EPHA6: variants seen among roughly 807,000 people sequenced by gnomAD.
EPHA6 encodes ephrin type-A receptor 6.
Under a neutral mutation model 112.0 loss-of-function variants are expected in EPHA6, and 50 were observed. That is an observed-to-expected ratio of 0.45 (90% CI 0.36 to 0.56). EPHA6 has a LOEUF of 0.56. Ranked by LOEUF, EPHA6 falls within the 20% of genes least tolerant of loss-of-function variation. The pLI, the probability that EPHA6 is intolerant of heterozygous loss-of-function variation, is 0.00. For synonymous variants in EPHA6, 529 were observed against 490.7 expected, an observed-to-expected ratio of 1.08 and a Z score of -1.03; for missense variants, 1,280 against 1,417.4, an observed-to-expected ratio of 0.90 and a Z score of 1.56.
chr3:96,856,732 T>G (rs1383829427), intron 1 of EPHA6, among the ~76,000 whole-genome samples: 1 of 152,126 alleles, frequency 6.6e-6, no homozygotes, highest in East Asian at 1.9e-4. Context: ...TAGAGGATTT[T>G]TAAAAAGTAA....
intron 11 of EPHA6, among the ~76,000 whole-genome samples, chr3:97,555,601 T>G (rs539478086): frequency 0.014 from 2,120 of 152,316 alleles, 54 homozygotes; most frequent in African/African-American, 0.049. Context: ...GTTTCCTGAC[T>G]TTTTAATGAT....
rs141592895 is a variant in EPHA6 at position 97,436,124 on chromosome 3, C to T, written c.1732-12444C>T. Among the ~76,000 whole-genome samples, 295 of 152,218 alleles carry T rather than the reference C, an allele frequency of 1.9e-3. 2 individuals carry two copies. Among genetic ancestry groups the T allele is most frequent in the African/African-American group, 6.8e-3 (281 of 41,542 alleles). On this transcript the variant is annotated intron_variant, in intron 6 of 17. Transcript: ENST00000389672. ...ATTTTATTATAAATCTTGAGGCACA[C>T]ATTTGATATCTTCTGAGGAAATTCA... is the stretch of plus-strand genomic sequence containing the variant.
At chr3:96,985,480 G>A (rs914589077) in intron 2 of EPHA6, among the ~76,000 whole-genome samples, 2 of 152,036 alleles carry the variant, frequency 1.3e-5, no homozygotes, top group African/African-American at 4.8e-5. Flanking sequence ...AATGAGCTGT[G>A]ATAGTGCTGG....
chr3:97,108,326 A>AAAATAGCTT (rs1435437464), intron 3 of EPHA6, among the ~76,000 whole-genome samples: 4 of 152,218 alleles, frequency 2.6e-5, no homozygotes, highest in African/African-American at 7.2e-5. Context: ...AATGGATGCC[A>AAAATAGCTT]AAATAGCTTA....
intron 11 of EPHA6, among the ~76,000 whole-genome samples, chr3:97,574,695 A>G (rs1439122736): frequency 2.6e-5 from 4 of 152,192 alleles, no homozygotes; most frequent in African/African-American, 7.2e-5. Flanking sequence ...TAAAGACCCT[A>G]CTATGTAAAA....
intron 11 of EPHA6, among the ~76,000 whole-genome samples, chr3:97,586,319 C>T (rs536207390): frequency 7.0e-4 from 106 of 152,176 alleles, no homozygotes; most frequent in Middle Eastern, 3.4e-3. Flanking sequence ...TAAGGATACG[C>T]GAAATAAAGA....
At chr3:97,388,400 A>G (rs569941915) in intron 5 of EPHA6, among the ~76,000 whole-genome samples, 3 of 152,262 alleles carry the variant, frequency 2.0e-5, no homozygotes, top group African/African-American at 4.8e-5. Flanking sequence ...TTTTACTTCT[A>G]TATGTACAAA....
At chr3:97,398,866 G>A (rs1172535011) in intron 5 of EPHA6, among the ~76,000 whole-genome samples, 1 of 151,452 alleles carries the variant, frequency 6.6e-6, no homozygotes, top group African/African-American at 2.4e-5. Context: ...ATAGGGTACA[G>A]TGTGATATTT....
chr3:97,740,390 C>G (rs2035449977), intron 16 of EPHA6, among the ~76,000 whole-genome samples: 1 of 152,134 alleles, frequency 6.6e-6, no homozygotes, highest in Admixed American at 6.5e-5. Context: ...ACTATCAGCT[C>G]AAATGTGGCA....
At position 97,678,421 on chromosome 3, in the gene EPHA6, G is replaced by A. The variant is rs143175955; in HGVS notation, c.2784+40339G>A. 1.5e-3 allele frequency among the ~76,000 whole-genome samples: 236 copies of A among 152,270 alleles called. 1 individual carries two copies. Among genetic ancestry groups the A allele is most frequent in the Non-Finnish European group, 2.3e-3 (159 of 68,026 alleles). ...TTTTGAAGACTACAAAGTAGAAGTT[G>A]AGGATGGACCCAGAAGACGAGCGCT... is the stretch of plus-strand genomic sequence containing the variant. On this transcript the variant is annotated intron_variant, in intron 14 of 17. Coordinates refer to ENST00000389672, the MANE Select transcript of EPHA6 (RefSeq NM_001080448.3).
intron 10 of EPHA6, among the ~76,000 whole-genome samples, chr3:97,493,842 G>T (rs779221836): frequency 1.4e-4 from 21 of 152,180 alleles, no homozygotes; most frequent in Non-Finnish European, 2.5e-4. Flanking sequence ...AAACTATCTC[G>T]TGGTTACCAC....
chr3:97,186,842 T>C (rs548806442), intron 3 of EPHA6, among the ~76,000 whole-genome samples: 1 of 152,120 alleles, frequency 6.6e-6, no homozygotes, highest in East Asian at 1.9e-4. Context: ...TAACATTATG[T>C]TTCCCACTCT....
intron 7 of EPHA6, among the ~76,000 whole-genome samples, chr3:97,462,789 A>G (rs2090932513): frequency 6.6e-6 from 1 of 152,190 alleles, no homozygotes; most frequent in South Asian, 2.1e-4. Context: ...ATAACTGAAA[A>G]GAAGGCTACT....
At chr3:96,946,688 C>T (rs1225714909) in intron 2 of EPHA6, among the ~76,000 whole-genome samples, 1 of 152,010 alleles carries the variant, frequency 6.6e-6, no homozygotes, top group African/African-American at 2.4e-5. Flanking sequence ...GGGTATATAC[C>T]CAGTAACGGG....
chr3:97,532,634 TC>T (rs2092708582), intron 11 of EPHA6, 91 bp downstream of exon 11: 1 of 1,027,716 alleles, frequency 9.7e-7, no homozygotes, highest in African/African-American at 1.6e-5. Flanking sequence ...AATACCACAG[TC>T]ATTAAAGGAA....
chr3:97,665,108 T>G (rs1169198119), intron 14 of EPHA6, among the ~76,000 whole-genome samples: 1 of 152,168 alleles, frequency 6.6e-6, no homozygotes, highest in Non-Finnish European at 1.5e-5. Flanking sequence ...ATGGTACTGG[T>G]ACCAAAACAG....
chr3:97,128,872 CTTTTTTT>C (rs377407255), intron 3 of EPHA6, among the ~76,000 whole-genome samples: 1 of 117,528 alleles, frequency 8.5e-6, no homozygotes, highest in Admixed American at 9.1e-5. Context: ...ATTTTTATGT[CTTTTTTT>C]TTTTTTTTTT....
At chr3:97,445,177 A>C (rs886735500) in intron 6 of EPHA6, among the ~76,000 whole-genome samples, 4 of 152,116 alleles carry the variant, frequency 2.6e-5, no homozygotes, top group Admixed American at 2.0e-4. Context: ...ATTGCTTCTC[A>C]ATGATTTTTT....
chr3:97,720,012 T>G (rs1057247321), intron 14 of EPHA6, among the ~76,000 whole-genome samples: 5 of 152,322 alleles, frequency 3.3e-5, no homozygotes, highest in African/African-American at 7.2e-5. Context: ...AAAATAAATT[T>G]CTCTAATGAA....
Sources: allele counts gnomAD v4.1 joint callset (sites outside exome capture counted in the v4.1 genomes callset), GRCh38; gene constraint gnomAD v4.1.1; transcripts MANE v1.5; gene names NCBI Gene and HGNC (gene_info 2026-07-23, HGNC 2026-07-21).